The following SLC30A3 variants were observed in gnomAD, a reference collection of about 807,000 sequenced individuals.
SLC30A3 encodes solute carrier family 30 member 3, also known as probable proton-coupled zinc antiporter SLC30A3.
SLC30A3 carries 20 observed loss-of-function variants against 35.6 expected under a neutral mutation model. That is an observed-to-expected ratio of 0.56 (90% CI 0.39 to 0.82). The LOEUF is 0.82. SLC30A3 is among the 40% of genes least tolerant of loss of function. SLC30A3 has a pLI of 0.00. For missense variants in SLC30A3, 401 were observed against 530.6 expected (o/e 0.76, Z 2.40); for synonymous variants, 217 against 224.7 (o/e 0.97, Z 0.31).
chr2:27,256,820 G>A lies in SLC30A3; in HGVS notation c.851C>T (p.Thr284Ile). Reference protein sequence around the residue: ...SICALGSTAPTLRDVLRILME... With the variant: ...SICALGSTAPILRDVLRILME... Reference sequence around the variant, plus strand: ...GAGGATTCGAAGAACGTCTCGGAGGGTGGGAGCGGTGGATCCAAGGGCACA... The same window carrying A: ...GAGGATTCGAAGAACGTCTCGGAGGATGGGAGCGGTGGATCCAAGGGCACA... The change falls in exon 6 of 8, where the codon ACC (threonine) becomes ATC (isoleucine). Residue 284 changes from threonine to isoleucine, a missense_variant. Thr to Ile is a moderately conservative substitution (Grantham distance 89). Coordinates refer to ENST00000233535, the MANE Select transcript of SLC30A3 (RefSeq NM_003459.5). 1.2e-6 allele frequency: 2 copies of A among 1,606,820 alleles called. No homozygotes were observed. Among genetic ancestry groups the A allele is most frequent in the East Asian group, 2.2e-5 (1 of 44,846 alleles).
Position 27,256,369 on chromosome 2 carries a change from G to A in SLC30A3, c.1018+17C>T, listed in dbSNP as rs1271250723. On this transcript the variant is annotated intron_variant, in intron 7 of 7. Transcript: ENST00000233535. ...GTATGTTCCAGGTAGTAACTAGCTG[G>A]GGCCAGTGTGACTCACCGATGGCCA... is the stretch of plus-strand genomic sequence containing the variant. 1.9e-6 allele frequency: 3 copies of A among 1,613,628 alleles called. No homozygotes were observed. Among genetic ancestry groups the A allele is most frequent in the Non-Finnish European group, 2.5e-6 (3 of 1,179,582 alleles).
upstream of SLC30A3, among the ~76,000 whole-genome samples, chr2:27,266,917 G>T (rs1039965133): frequency 5.3e-5 from 8 of 152,048 alleles, no homozygotes; most frequent in Admixed American, 3.3e-4. Context: ...AATAATAAAT[G>T]TCATGTGTTT....
chr2:27,269,890 A>C (rs528180378), intron 1 of SLC30A3, among the ~76,000 whole-genome samples: 42 of 152,228 alleles, frequency 2.8e-4, no homozygotes, highest in South Asian at 2.3e-3. Context: ...AGAAGAAGAA[A>C]AGAAAATCCA....
Position 27,271,081 on chromosome 2 carries a change from A to G in SLC30A3, c.-159+4096T>C, listed in dbSNP as rs1677710209. ...CGCCTTTCTGGGCTGCACTTTCTTC[A>G]ATTATAAAATGAAGGCGTTGGATTC... On this transcript the variant is annotated intron_variant, in intron 1 of 5. Coordinates refer to the SLC30A3 transcript ENST00000424577. The surrounding 1 kb of genome is among the most constrained non-coding windows in gnomAD (Gnocchi z 4.3). 6.6e-6 allele frequency among the ~76,000 whole-genome samples: 1 copy of G among 152,168 alleles called. No individual in the cohort carries two copies. Among genetic ancestry groups the G allele is most frequent in the Admixed American group, 6.5e-5 (1 of 15,274 alleles).
chr2:27,265,666 C>G (rs79633361), upstream of SLC30A3, among the ~76,000 whole-genome samples: 1,463 of 152,290 alleles, frequency 9.6e-3, 12 homozygotes, highest in Non-Finnish European at 0.017. This position sits in a 1 kb window ranked among gnomAD's most constrained non-coding sequence, Gnocchi z 5.9. Context: ...TTCCTGACTT[C>G]TCCCAGACTG....
In SLC30A3 at chr2:27,256,367, T is replaced by A; in HGVS notation, c.1018+19A>T. ...GGGTATGTTCCAGGTAGTAACTAGC[T>A]GGGGCCAGTGTGACTCACCGATGGC... is the stretch of plus-strand genomic sequence containing the variant. On this transcript the variant is annotated intron_variant, in intron 7 of 7. Coordinates refer to ENST00000233535, the MANE Select transcript of SLC30A3 (RefSeq NM_003459.5). 1.2e-6 allele frequency: 2 copies of A among 1,613,504 alleles called. No individual in the cohort carries two copies. Among genetic ancestry groups the A allele is most frequent in the Non-Finnish European group, 1.7e-6 (2 of 1,179,460 alleles).
chr2:27,263,202 C>A (rs377181070), upstream of SLC30A3: 875 of 963,702 alleles, frequency 9.1e-4, 8 homozygotes, highest in East Asian at 0.012. Context: ...GCGCCAGAGC[C>A]CGGGAGCGCC....
intron 1 of SLC30A3, among the ~76,000 whole-genome samples, chr2:27,260,979 A>T (rs1677152681): frequency 6.6e-6 from 1 of 152,200 alleles, no homozygotes; most frequent in African/African-American, 2.4e-5. Context: ...GGCTTACTAC[A>T]TAAGGACAGG....
rs1203559631 is a variant in SLC30A3 at position 27,258,577 on chromosome 2, T to A, written c.277+176A>T. On this transcript the variant is annotated intron_variant, in intron 2 of 7. Transcript: ENST00000233535. This position sits in a 1 kb window ranked among gnomAD's most constrained non-coding sequence, Gnocchi z 4.0. ...ACTGGCCCCGGACCTCGGCTGGAATTCCCTTTGTTGCTGTCCCTTATCCCT... is the reference window on the plus strand; with the variant it reads ...ACTGGCCCCGGACCTCGGCTGGAATACCCTTTGTTGCTGTCCCTTATCCCT... The A allele has an allele frequency of 1.4e-6, 1 of 732,936 alleles. No homozygotes were observed. The highest frequency in any genetic ancestry group is 2.2e-6 in the Non-Finnish European group (1 of 456,174). 45.4% of individuals were successfully genotyped at this position (732,936 alleles called of 1,614,324 possible).
chr2:27,274,459 T>C (rs1389600713), intron 1 of SLC30A3, among the ~76,000 whole-genome samples: 3 of 152,314 alleles, frequency 2.0e-5, no homozygotes, highest in East Asian at 3.9e-4. Context: ...CAAAGCTTTT[T>C]CTACTACATG....
In SLC30A3 at chr2:27,256,389, T is replaced by C; in HGVS notation, c.1015A>G (p.Ile339Val). ...TYHVASAHLA[I>V]DSTADPEAVL... ...AGCTGGGGCCAGTGTGACTCACCGA[T>C]GGCCAGGTGTGCAGAGGCAACATGG... The change falls in exon 7 of 8, where the codon ATC becomes GTC. Residue 339 changes from isoleucine (I) to valine (V), a missense_variant. Physicochemically the swap from Ile to Val is conservative, Grantham distance 29. Transcript: ENST00000233535. 6.8e-6 allele frequency: 11 copies of C among 1,614,038 alleles called. No homozygotes were observed. Among genetic ancestry groups the C allele is most frequent in the Non-Finnish European group, 9.3e-6 (11 of 1,179,952 alleles).
intron 1 of SLC30A3, among the ~76,000 whole-genome samples, chr2:27,261,204 A>G (rs1230056763): frequency 6.6e-6 from 1 of 152,138 alleles, no homozygotes; most frequent in Non-Finnish European, 1.5e-5. Context: ...GAGGAAAGTG[A>G]TGGGCTCAAA....
chr2:27,257,045 GGGAGGGAGGAGCT>G lies in SLC30A3; in HGVS notation c.777+96_777+108del. 1 of 1,227,394 alleles carries G rather than the reference GGGAGGGAGGAGCT, an allele frequency of 8.1e-7. No homozygotes were observed. The highest frequency in any genetic ancestry group is 1.2e-5 in the South Asian group (1 of 82,162). 76.0% of individuals were successfully genotyped at this position (1,227,394 alleles called of 1,614,324 possible). A position where few individuals can be genotyped will look rare whatever the true frequency, so the allele number is the denominator to read the frequency against. Reference sequence around the variant, plus strand: ...CATGTCTGGGAGAGTCCTGGGAGGTGGGAGGGAGGAGCTGGAGGGAGGAGGAAGGAAGCTTTGG... The same window carrying G: ...CATGTCTGGGAGAGTCCTGGGAGGTGGGAGGGAGGAGGAAGGAAGCTTTGG... On this transcript the variant is annotated intron_variant, in intron 5 of 7. Transcript: ENST00000233535. The surrounding 1 kb of genome is among the most constrained non-coding windows in gnomAD (Gnocchi z 4.7).
At position 27,254,415 on chromosome 2, in the gene SLC30A3, G is replaced by A. The variant is rs1231317506; in HGVS notation, c.*897C>T. The A allele has an allele frequency of 6.5e-6, 1 of 152,746 alleles. No individual in the cohort carries two copies. Among genetic ancestry groups the A allele is most frequent in the Non-Finnish European group, 1.5e-5 (1 of 68,202 alleles). 9.5% of individuals were successfully genotyped at this position (152,746 alleles called of 1,614,324 possible). On this transcript the variant is annotated 3_prime_UTR_variant, in exon 8 of 8. Transcript: ENST00000233535. ...GGGAAGGGGAGTAAAGAGACTGGTG[G>A]CTTTTACCCTCCATCTGAGGGTGGA...
Position 27,262,376 on chromosome 2 carries a change from G to T in SLC30A3, c.95+436C>A, listed in dbSNP as rs915228584. On this transcript the variant is annotated intron_variant, in intron 1 of 7. Transcript: ENST00000233535. This position sits in a 1 kb window ranked among gnomAD's most constrained non-coding sequence, Gnocchi z 7.5. ...CCACAGCTGGCCGCGGCTGGAGGGG[G>T]CGCGCGGAGGGGAGCCCCCGGGGCC... 2.0e-5 allele frequency among the ~76,000 whole-genome samples: 3 copies of T among 151,924 alleles called. No individual in the cohort carries two copies. Among genetic ancestry groups the T allele is most frequent in the African/African-American group, 7.2e-5 (3 of 41,406 alleles).
intron 1 of SLC30A3, among the ~76,000 whole-genome samples, chr2:27,260,070 G>C (rs1470879245): frequency 1.3e-5 from 2 of 152,166 alleles, no homozygotes. Flanking sequence ...GTGAAGTGTG[G>C]AGTGGGACTC....
At position 27,263,039 on chromosome 2, in the gene SLC30A3, G is replaced by A. The variant is rs540483977; in HGVS notation, c.-133C>T. 3.7e-3 allele frequency: 5,160 copies of A among 1,376,816 alleles called. 19 individuals are homozygous for A. Among genetic ancestry groups the A allele is most frequent in the Admixed American group, 5.7e-3 (147 of 25,760 alleles). The allele number at this position is 1,376,816 out of a possible 1,614,324, so 85.3% of individuals were successfully genotyped here. On this transcript the variant is annotated 5_prime_UTR_variant, in exon 1 of 8. Transcript: ENST00000233535. Reference sequence around the variant, plus strand: ...CGGGGCCACCAGAGTGGAGCGAACTGCAGCGACTGTGGCGCGCGGAGTCCG... The same window carrying A: ...CGGGGCCACCAGAGTGGAGCGAACTACAGCGACTGTGGCGCGCGGAGTCCG...
chr2:27,267,285 TTACTGC>T, upstream of SLC30A3, among the ~76,000 whole-genome samples: 1 of 152,314 alleles, frequency 6.6e-6, no homozygotes, highest in East Asian at 1.9e-4. Context: ...GTTTCCATCC[TTACTGC>T]CTTATAGTCT....
chr2:27,275,071 G>T, intron 1 of SLC30A3: 1 of 614,890 alleles, frequency 1.6e-6, no homozygotes, highest in Non-Finnish European at 2.7e-6. Flanking sequence ...AGGTTGTGGA[G>T]GTGTTTCCGG....
Sources: allele counts gnomAD v4.1 joint callset (sites outside exome capture counted in the v4.1 genomes callset), GRCh38; gene constraint gnomAD v4.1.1; non-coding constraint Gnocchi (gnomAD v3.1); transcripts MANE v1.5; gene names NCBI Gene and HGNC (gene_info 2026-07-23, HGNC 2026-07-21).